The following ACTR3C variants were observed in gnomAD, a reference collection of about 807,000 sequenced individuals.
The protein encoded by ACTR3C is actin related protein 3C.
ACTR3C carries 18 observed loss-of-function variants against 26.3 expected under a neutral mutation model. That is an observed-to-expected ratio of 0.68 (90% confidence interval 0.47 to 1.01). The LOEUF (loss-of-function observed/expected upper bound fraction) is 1.01, where lower values mean the gene tolerates loss of function less well. Ranked by LOEUF, ACTR3C falls within the 50% of genes least tolerant of loss-of-function variation. The pLI is 0.00. For missense variants in ACTR3C, 184 were observed against 250.7 expected, an observed-to-expected ratio of 0.73 and a Z score of 1.80; for synonymous variants, 55 against 94.5, an observed-to-expected ratio of 0.58 and a Z score of 2.42.
chr7:150,199,890 A>G, the ACTR3C span, among the ~76,000 whole-genome samples: 2,714 of 152,212 alleles, frequency 0.018, 87 homozygotes, highest in African/African-American at 0.062. Flanking sequence ...AACATAAGAA[A>G]AAATAAACAG....
chr7:150,312,003 C>T (rs139179760), intron 1 of ACTR3C, among the ~76,000 whole-genome samples: 242 of 152,340 alleles, frequency 1.6e-3, no homozygotes, highest in African/African-American at 5.6e-3. Context: ...AAAGGCCCTT[C>T]TTAAGGCTGC....
chr7:149,946,478 G>A, the ACTR3C span, among the ~76,000 whole-genome samples: 386 of 152,288 alleles, frequency 2.5e-3, 4 homozygotes, highest in Non-Finnish European at 2.8e-3. Flanking sequence ...TCTCCACGGA[G>A]CCCTGGTATT....
chr7:150,092,828 G>T, the ACTR3C span, among the ~76,000 whole-genome samples: 2 of 151,276 alleles, frequency 1.3e-5, no homozygotes, highest in Non-Finnish European at 2.9e-5. Flanking sequence ...CACACACCTG[G>T]CTGTGAAGGA....
chr7:150,254,990 A>C (rs1833103220), intron 6 of ACTR3C, among the ~76,000 whole-genome samples: 1 of 152,146 alleles, frequency 6.6e-6, no homozygotes, highest in African/African-American at 2.4e-5. Flanking sequence ...ATAAATATGC[A>C]TTAAGCCAAA....
the ACTR3C span, among the ~76,000 whole-genome samples, chr7:149,904,456 G>C: frequency 3.3e-5 from 5 of 150,766 alleles, no homozygotes; most frequent in African/African-American, 1.2e-4. Context: ...GCTTGAACCC[G>C]GGAGGCAGAG....
At chr7:149,943,988 G>A in the ACTR3C span, among the ~76,000 whole-genome samples, 1 of 141,728 alleles carries the variant, frequency 7.1e-6, no homozygotes, top group Non-Finnish European at 1.5e-5. Flanking sequence ...TTGTAATTAT[G>A]TACGTAACAG....
chr7:150,138,192 T>C, the ACTR3C span, among the ~76,000 whole-genome samples: 4 of 152,172 alleles, frequency 2.6e-5, no homozygotes, highest in Non-Finnish European at 5.9e-5. Context: ...GTAGACAACA[T>C]AAATCACACA....
chr7:150,201,026 AT>A, the ACTR3C span, among the ~76,000 whole-genome samples: 1 of 152,224 alleles, frequency 6.6e-6, no homozygotes, highest in Non-Finnish European at 1.5e-5. Flanking sequence ...ATGTTGGTTT[AT>A]TGATCATGAA....
the ACTR3C span, among the ~76,000 whole-genome samples, chr7:150,032,688 C>T: frequency 6.6e-6 from 1 of 151,882 alleles, no homozygotes; most frequent in East Asian, 2.0e-4. Flanking sequence ...AATATCATGT[C>T]AGCACCACAT....
the ACTR3C span, among the ~76,000 whole-genome samples, chr7:150,106,170 G>C: frequency 6.6e-6 from 1 of 151,686 alleles, no homozygotes; most frequent in Non-Finnish European, 1.5e-5. Context: ...TGTTGAGATG[G>C]ATGGCTCTTT....
the ACTR3C span, among the ~76,000 whole-genome samples, chr7:150,188,208 TAG>T: frequency 6.6e-6 from 1 of 152,210 alleles, no homozygotes; most frequent in Non-Finnish European, 1.5e-5. Context: ...AATGAAATAA[TAG>T]AGTTTATAGC....
At chr7:149,903,627 G>C in the ACTR3C span, among the ~76,000 whole-genome samples, 2 of 151,638 alleles carry the variant, frequency 1.3e-5, no homozygotes, top group East Asian at 1.9e-4. Flanking sequence ...CTCCAGCCTC[G>C]ATCTCCTGGG....
At chr7:149,993,967 C>T in the ACTR3C span, among the ~76,000 whole-genome samples, 1 of 151,508 alleles carries the variant, frequency 6.6e-6, no homozygotes, top group Non-Finnish European at 1.5e-5. Context: ...GAGAACTATA[C>T]TGTGCATGAT....
chr7:149,934,617 T>C, the ACTR3C span, among the ~76,000 whole-genome samples: 1 of 151,820 alleles, frequency 6.6e-6, no homozygotes, highest in African/African-American at 2.4e-5. Context: ...AAGACACTCC[T>C]GGTCCACAAG....
At chr7:150,030,578 T>G in the ACTR3C span, among the ~76,000 whole-genome samples, 2 of 152,182 alleles carry the variant, frequency 1.3e-5, no homozygotes, top group Non-Finnish European at 2.9e-5. Flanking sequence ...AAGTTTGTTA[T>G]AGATGAATGA....
chr7:150,217,340 T>C, the ACTR3C span, among the ~76,000 whole-genome samples: 1 of 151,382 alleles, frequency 6.6e-6, no homozygotes, highest in Non-Finnish European at 1.5e-5. Flanking sequence ...TCTAACGTAA[T>C]ACATACTGAT....
At chr7:150,211,459 T>G in the ACTR3C span, among the ~76,000 whole-genome samples, 1 of 151,648 alleles carries the variant, frequency 6.6e-6, no homozygotes, top group Non-Finnish European at 1.5e-5. Context: ...TTTTTGTATT[T>G]TAGTAGAGAT....
At chr7:150,245,277 A>G (rs1445099643), downstream of ACTR3C, 1 of 152,274 alleles carries the variant, frequency 6.6e-6, no homozygotes, top group Non-Finnish European at 1.5e-5. Flanking sequence ...ACCTAGGAGC[A>G]TTAGCCATGA....
At chr7:150,101,223 C>A in the ACTR3C span, among the ~76,000 whole-genome samples, 1 of 151,646 alleles carries the variant, frequency 6.6e-6, no homozygotes, top group African/African-American at 2.4e-5. Context: ...TACTCAGTGC[C>A]CATAAGGTCA....
Sources: gnomAD v4.1 joint callset for allele counts (sites outside exome capture counted in the v4.1 genomes callset) on GRCh38, gnomAD v4.1.1 for gene constraint, MANE v1.5 for transcripts, NCBI Gene and HGNC (gene_info 2026-07-23, HGNC 2026-07-21) for gene names.